The following CACNA1A variants were observed in gnomAD, a reference collection of about 807,000 sequenced individuals.
The protein encoded by CACNA1A is voltage-dependent P/Q-type calcium channel subunit alpha-1A.
In CACNA1A, 57 loss-of-function variants were observed where a neutral mutation model predicts 262.4. That is an observed-to-expected ratio of 0.22 (90% CI 0.18 to 0.27). The LOEUF is 0.27. CACNA1A is among the 10% of genes least tolerant of loss of function. CACNA1A has a pLI of 1.00. For synonymous variants in CACNA1A, 1,431 were observed against 1,419.3 expected (o/e 1.01, Z -0.18); for missense variants, 2,526 against 3,562.8 (o/e 0.71, Z 7.41).
rs777990901 is a variant in CACNA1A, at chr19:13,210,638, C to T, written c.6318G>A (p.Arg2106=). 6.4e-7 allele frequency: 1 copy of T among 1,564,826 alleles called. No individual in the cohort carries two copies. The highest frequency in any genetic ancestry group is 2.4e-5 in the East Asian group (1 of 42,080). The part of the protein sequence containing the change: ...LPAENQRRRG[R]PRGNNLSTIS... ...ATACACTGAGGTTATTCCCACGTGG[C>T]CGGCCCCTTCTCCTCTGTCACAGCC... Residue 2106 remains arginine (R), a synonymous_variant, in exon 44 of 47, where the codon CGG becomes CGA. Transcript: ENST00000360228.
intron 22 of CACNA1A, among the ~76,000 whole-genome samples, chr19:13,279,423 A>G (rs771769994): frequency 3.9e-5 from 6 of 152,090 alleles, no homozygotes; most frequent in South Asian, 4.2e-4. Flanking sequence ...CCAAGTGTTG[A>G]CAAGGATGTG....
At chr19:13,217,244 GAGAGAC>G (rs1050327862) in intron 38 of CACNA1A, among the ~76,000 whole-genome samples, 1 of 152,086 alleles carries the variant, frequency 6.6e-6, no homozygotes, top group African/African-American at 2.4e-5. Flanking sequence ...AAGAGAGAGA[GAGAGAC>G]AGAGACAGAG....
At chr19:13,432,455 T>A (rs997686954) in intron 3 of CACNA1A, among the ~76,000 whole-genome samples, 1 of 128,438 alleles carries the variant, frequency 7.8e-6, no homozygotes, top group Non-Finnish European at 1.7e-5. Context: ...AAATAAAAAT[T>A]AAAAATTTCA....
At chr19:13,321,432 A>G (rs1319140481) in intron 10 of CACNA1A, among the ~76,000 whole-genome samples, 5 of 152,106 alleles carry the variant, frequency 3.3e-5, no homozygotes, top group Non-Finnish European at 5.9e-5. Context: ...AATTATATGT[A>G]AATTGTAATA....
chr19:13,210,998 C>T, intron 43 of CACNA1A: 1 of 335,280 alleles, frequency 3.0e-6, no homozygotes, highest in Non-Finnish European at 5.6e-6. Flanking sequence ...GCGATGCACA[C>T]CCCAACCCCT....
chr19:13,336,188 G>C (rs1177611867), intron 6 of CACNA1A, among the ~76,000 whole-genome samples: 1 of 152,208 alleles, frequency 6.6e-6, no homozygotes, highest in African/African-American at 2.4e-5. Context: ...CCAGACCACA[G>C]TCCAGAAGGA....
At position 13,299,237 on chromosome 19, in the gene CACNA1A, G is replaced by A. The variant is rs1470529399; in HGVS notation, c.2396C>T (p.Pro799Leu). 2 of 1,609,780 alleles carry A rather than the reference G, an allele frequency of 1.2e-6. No individual in the cohort carries two copies. Among genetic ancestry groups the A allele is most frequent in the South Asian group, 2.2e-5 (2 of 91,086 alleles). Residue 799 changes from proline (P) to leucine (L), a missense_variant, in exon 19 of 47, where the codon CCG (proline) becomes CTG (leucine). By Grantham distance (98) the Pro-to-Leu change is moderately conservative. Around this residue, in one of 17 missense-constraint regions of CACNA1A, gnomAD observed 765 missense variants for 748.6 expected, o/e 1.02. Transcript: ENST00000360228. ...GTAGGCAGCCTTCCAGCGCTCGTCC[G>A]GGTCCATTTCGTTATACAGGGCCTC... Reference protein sequence around the residue: ...SREALYNEMDPDERWKAAYTR... With the variant: ...SREALYNEMDLDERWKAAYTR...
In CACNA1A at chr19:13,299,146, C is replaced by T. The variant is rs755434242; in HGVS notation, c.2487G>A (p.Glu829=). The change falls in exon 19 of 47, where the codon GAG becomes GAA. Residue 829 remains glutamate (E), a synonymous_variant. Coordinates refer to ENST00000360228, the MANE Select transcript of CACNA1A (RefSeq NM_001127222.2). ...TCTTGTTGGTGTTGTTGTTGCGGTTCTCCTGCGGGTCCACCACCAGCGGCC... is the reference window on the plus strand; with the variant it reads ...TCTTGTTGGTGTTGTTGTTGCGGTTTTCCTGCGGGTCCACCACCAGCGGCC... ...LDRPLVVDPQ[E]NRNNNTNKSR... is the part of the protein sequence containing the mutation. The T allele has an allele frequency of 6.8e-6, 11 of 1,613,188 alleles. No homozygotes were observed. In the African/African-American group the frequency reaches 1.2e-4, roughly 18 times the overall value.
chr19:13,354,430 C>G (rs2058969176), intron 6 of CACNA1A, among the ~76,000 whole-genome samples: 1 of 152,150 alleles, frequency 6.6e-6, no homozygotes, highest in South Asian at 2.1e-4. Flanking sequence ...AGGGCTAGCC[C>G]AAGGGAGATG....
intron 1 of CACNA1A, among the ~76,000 whole-genome samples, chr19:13,470,334 A>G (rs2061327646): frequency 6.6e-6 from 1 of 151,996 alleles, no homozygotes; most frequent in African/African-American, 2.4e-5. Context: ...AACTCTTCCA[A>G]AGAGGATCAC....
intron 3 of CACNA1A, among the ~76,000 whole-genome samples, chr19:13,401,120 T>C (rs1368410418): frequency 6.6e-6 from 1 of 152,190 alleles, no homozygotes; most frequent in East Asian, 1.9e-4. Flanking sequence ...CACTGTTGCC[T>C]GTCCAGGACT....
intron 31 of CACNA1A, chr19:13,244,071 TG>T (rs1291560348): frequency 6.6e-6 from 1 of 152,298 alleles, no homozygotes; most frequent in African/African-American, 2.4e-5. Flanking sequence ...TCTGCCTGCT[TG>T]GGCCCTGGTC....
intron 10 of CACNA1A, among the ~76,000 whole-genome samples, chr19:13,324,187 A>T (rs528529759): frequency 2.0e-5 from 3 of 152,320 alleles, no homozygotes; most frequent in East Asian, 1.9e-4. Flanking sequence ...AACTAAAAAA[A>T]ATTGATCTCA....
intron 38 of CACNA1A, among the ~76,000 whole-genome samples, chr19:13,218,544 C>A (rs2055104650): frequency 6.6e-6 from 1 of 152,072 alleles, no homozygotes; most frequent in African/African-American, 2.4e-5. Context: ...TGGACCCTTC[C>A]CCAGATGCCC....
At chr19:13,295,714 C>T (rs528975222) in intron 19 of CACNA1A, among the ~76,000 whole-genome samples, 32 of 151,964 alleles carry the variant, frequency 2.1e-4, no homozygotes, top group Non-Finnish European at 4.6e-4. Flanking sequence ...AGGTTGGTCT[C>T]GAACTCCTGG....
At chr19:13,375,694 G>C (rs2059393144) in intron 3 of CACNA1A, among the ~76,000 whole-genome samples, 1 of 152,026 alleles carries the variant, frequency 6.6e-6, no homozygotes, top group African/African-American at 2.4e-5. Context: ...AGGCTGAGGT[G>C]GGAGGATCAC....
At chr19:13,480,896 A>C (rs907798962) in intron 1 of CACNA1A, among the ~76,000 whole-genome samples, 2 of 152,156 alleles carry the variant, frequency 1.3e-5, no homozygotes, top group Admixed American at 6.5e-5. Context: ...ATTGAATCTG[A>C]TCAAAAACTC....
intron 3 of CACNA1A, among the ~76,000 whole-genome samples, chr19:13,383,638 T>A (rs576029586): frequency 6.6e-6 from 1 of 152,268 alleles, no homozygotes; most frequent in South Asian, 2.1e-4. Context: ...AGAATTACTA[T>A]ATTGGCTGTC....
chr19:13,490,010 A>G (rs1980561212), intron 1 of CACNA1A, among the ~76,000 whole-genome samples: 1 of 152,042 alleles, frequency 6.6e-6, no homozygotes, highest in African/African-American at 2.4e-5. Flanking sequence ...CCAGAATATC[A>G]GCCACACCAG....
Sources: gnomAD v4.1 joint callset for allele counts (sites outside exome capture counted in the v4.1 genomes callset) on GRCh38, gnomAD v4.1.1 for gene constraint, gnomAD v4.1.1 regional missense constraint, MANE v1.5 for transcripts, NCBI Gene and HGNC (gene_info 2026-07-23, HGNC 2026-07-21) for gene names.